The following SEC23B variants were observed in gnomAD, a reference collection of about 807,000 sequenced individuals.
SEC23B encodes the protein protein transport protein Sec23B.
SEC23B carries 77 observed loss-of-function variants against 104.3 expected under a neutral mutation model. The observed-to-expected ratio is 0.74, with a 90% CI of 0.61 to 0.89. SEC23B has a LOEUF of 0.89. Ranked by LOEUF, SEC23B falls within the 40% of genes least tolerant of loss-of-function variation. The pLI is 0.00. For synonymous variants in SEC23B, 338 were observed against 332.5 expected (o/e 1.02, Z -0.18); for missense variants, 885 against 949.4 (o/e 0.93, Z 0.89).
intron 19 of SEC23B, among the ~76,000 whole-genome samples, chr20:18,556,840 T>C (rs560911042): frequency 1.3e-5 from 2 of 152,092 alleles, no homozygotes; most frequent in Admixed American, 6.5e-5. Context: ...CTACCAAAAA[T>C]ACAAAAATTA....
At chr20:18,541,545 T>C (rs1244216840) in intron 12 of SEC23B, among the ~76,000 whole-genome samples, 2 of 152,256 alleles carry the variant, frequency 1.3e-5, no homozygotes, top group Non-Finnish European at 2.9e-5. Flanking sequence ...TTAACTGGCC[T>C]CATTTCAATA....
intron 9 of SEC23B, among the ~76,000 whole-genome samples, chr20:18,528,088 C>A (rs544149166): frequency 6.6e-6 from 1 of 152,130 alleles, no homozygotes; most frequent in African/African-American, 2.4e-5. Flanking sequence ...GAGTGTGGAG[C>A]AGTGGTTCTC....
chr20:18,507,847 G>A (rs957388549), upstream of SEC23B: 2 of 152,384 alleles, frequency 1.3e-5, no homozygotes, highest in African/African-American at 4.8e-5. Flanking sequence ...TCTTTGATTG[G>A]CCAGTGGACA....
chr20:18,535,826 C>A (rs1030096532), intron 12 of SEC23B, 84 bp downstream of exon 12: 49 of 1,021,786 alleles, frequency 4.8e-5, no homozygotes, highest in Non-Finnish European at 7.2e-5. Context: ...TGGTTACTTT[C>A]TTCACAAACC....
At chr20:18,550,301 C>T (rs927868301) in intron 16 of SEC23B, among the ~76,000 whole-genome samples, 14 of 151,836 alleles carry the variant, frequency 9.2e-5, no homozygotes, top group Non-Finnish European at 1.5e-4. Flanking sequence ...ACCACAGGCA[C>T]GTGCCACTAC....
In SEC23B at chr20:18,540,441, C is replaced by T. The variant is rs138209806; in HGVS notation, c.1405-1855C>T. Among the ~76,000 whole-genome samples, 585 of 152,324 alleles carry T rather than the reference C, an allele frequency of 3.8e-3. 2 individuals carry two copies. Among genetic ancestry groups the T allele is most frequent in the African/African-American group, 0.013 (553 of 41,578 alleles). On this transcript the variant is annotated intron_variant, in intron 12 of 19. Coordinates refer to ENST00000650089, the MANE Select transcript of SEC23B (RefSeq NM_006363.6). ...TTAAATATTTAGTAATTGCTGTACA[C>T]AGATGTGCTGTCATCCAGGCTTTGT...
rs1406160472 is a variant in SEC23B, at chr20:18,561,060, GAAAT to G, written c.*325_*328del. 5 of 348,756 alleles carry G rather than the reference GAAAT, an allele frequency of 1.4e-5. No individual in the cohort carries two copies. Among genetic ancestry groups the G allele is most frequent in the Non-Finnish European group, 2.7e-5 (5 of 182,992 alleles). 21.6% of individuals were successfully genotyped at this position (348,756 alleles called of 1,614,324 possible). Reference sequence around the variant, plus strand: ...GGTGAGAATCTTAATGATCATAAAGGAAATAAATCTAGATGCAGAAAGTACTGGC... The same window carrying G: ...GGTGAGAATCTTAATGATCATAAAGGAAATCTAGATGCAGAAAGTACTGGC... On this transcript the variant is annotated 3_prime_UTR_variant, in exon 20 of 20. Transcript: ENST00000650089.
intron 9 of SEC23B, 48 bp from the exon 10 acceptor site, chr20:18,530,631 TG>T: frequency 3.1e-6 from 5 of 1,602,430 alleles, no homozygotes; most frequent in Non-Finnish European, 4.3e-6. Flanking sequence ...AGCATCTGAA[TG>T]GCTTTCAATC....
intron 13 of SEC23B, 47 bp from the exon 14 acceptor site, chr20:18,542,972 C>G (rs756538428): frequency 6.2e-7 from 1 of 1,612,378 alleles, no homozygotes; most frequent in East Asian, 2.2e-5. Flanking sequence ...GTCTGGCTTT[C>G]TGATCTCTCC....
chr20:18,555,229 G>C, intron 19 of SEC23B, 56 bp downstream of exon 19: 1 of 1,409,332 alleles, frequency 7.1e-7, no homozygotes, highest in Non-Finnish European at 1.0e-6. Flanking sequence ...TTTTAAACTT[G>C]TTTTAAAATT....
Position 18,530,693 on chromosome 20 carries a change from A to G in SEC23B, c.1123A>G (p.Met375Val), listed in dbSNP as rs759982712. The G allele has an allele frequency of 1.2e-6, 2 of 1,612,438 alleles. No homozygotes were observed. The highest frequency in any genetic ancestry group is 1.7e-6 in the Non-Finnish European group (2 of 1,178,478). The change falls in exon 10 of 20, where the codon ATG becomes GTG. Residue 375 changes from methionine (M) to valine (V), a missense_variant. Met to Val is a conservative substitution (Grantham distance 21, BLOSUM62 1). Transcript: ENST00000650089. ...CANLTGGYMV[M>V]GDSFNTSLFK... ...CTTCTTACCTAGAGGCTACATGGTAATGGGAGATTCTTTCAACACTTCTCT... is the reference window on the plus strand; with the variant it reads ...CTTCTTACCTAGAGGCTACATGGTAGTGGGAGATTCTTTCAACACTTCTCT...
At chr20:18,518,906 C>T (rs1170540620) in intron 4 of SEC23B, among the ~76,000 whole-genome samples, 1 of 152,016 alleles carries the variant, frequency 6.6e-6, no homozygotes, top group African/African-American at 2.4e-5. Flanking sequence ...TGATTTTCTG[C>T]CTATATAACA....
chr20:18,560,220 T>C (rs1460988789), intron 19 of SEC23B, among the ~76,000 whole-genome samples: 1 of 152,158 alleles, frequency 6.6e-6, no homozygotes, highest in Admixed American at 6.6e-5. Flanking sequence ...TTTTCTGATA[T>C]TTGAAATATC....
chr20:18,560,439 G>A (rs955100213), intron 19 of SEC23B, among the ~76,000 whole-genome samples: 3 of 152,090 alleles, frequency 2.0e-5, no homozygotes, highest in African/African-American at 7.2e-5. Context: ...AGGCGGTGGT[G>A]GCCTGATCTC....
chr20:18,542,142 A>C (rs2060292777), intron 12 of SEC23B, among the ~76,000 whole-genome samples, 154 bp from the exon 13 acceptor site: 1 of 152,240 alleles, frequency 6.6e-6, no homozygotes, highest in Non-Finnish European at 1.5e-5. Context: ...GGTTATATGC[A>C]GTGAAATGTG....
intron 10 of SEC23B, among the ~76,000 whole-genome samples, chr20:18,531,078 G>A (rs1178302374): frequency 6.6e-6 from 1 of 152,234 alleles, no homozygotes; most frequent in East Asian, 1.9e-4. Flanking sequence ...GCTATTAAAA[G>A]CATGTTATTC....
chr20:18,557,699 T>G (rs2060452231), intron 19 of SEC23B, among the ~76,000 whole-genome samples: 1 of 151,998 alleles, frequency 6.6e-6, no homozygotes, highest in Admixed American at 6.5e-5. Flanking sequence ...ATTGTTTTCT[T>G]TCTTTTTAGA....
At position 18,519,810 on chromosome 20, in the gene SEC23B, AGTT is replaced by A. The variant is rs368694095; in HGVS notation, c.366+4081_366+4083del. Among the ~76,000 whole-genome samples the A allele has an allele frequency of 1.7e-4, 26 of 152,208 alleles. No individual in the cohort carries two copies. The East Asian group carries it at 4.8e-3, about 28-fold the overall frequency. ...CCTAACCATGCCTAGGAAGGAAAGGAGTTGTTGTTTTGTAGAAGAGATTGGGGT... is the reference window on the plus strand; with the variant it reads ...CCTAACCATGCCTAGGAAGGAAAGGAGTTGTTTTGTAGAAGAGATTGGGGT... On this transcript the variant is annotated intron_variant, in intron 4 of 19. Transcript: ENST00000650089.
At chr20:18,545,425 A>G (rs2060323432) in intron 14 of SEC23B, among the ~76,000 whole-genome samples, 1 of 152,166 alleles carries the variant, frequency 6.6e-6, no homozygotes, top group Admixed American at 6.5e-5. Flanking sequence ...AGGACACCAG[A>G]TTTTGTGGGA....
Sources: gnomAD v4.1 joint callset for allele counts (sites outside exome capture counted in the v4.1 genomes callset) on GRCh38, gnomAD v4.1.1 for gene constraint, MANE v1.5 for transcripts, NCBI Gene and HGNC (gene_info 2026-07-23, HGNC 2026-07-21) for gene names.